MBTPS1: variants seen among roughly 807,000 people sequenced by gnomAD.
MBTPS1 encodes the protein membrane-bound transcription factor site-1 protease.
Under a neutral mutation model 127.8 loss-of-function variants are expected in MBTPS1, and 94 were observed. The observed-to-expected ratio is 0.74, with a 90% confidence interval of 0.62 to 0.87. The LOEUF is 0.87. MBTPS1 is among the 40% of genes least tolerant of loss of function. The probability of loss-of-function intolerance (pLI) is 0.00; values close to 1 mark genes in which losing one functional copy is unlikely to be tolerated. For missense variants in MBTPS1, 1,636 were observed against 1,353.2 expected (o/e 1.21, Z -3.28); for synonymous variants, 632 against 509.4 (o/e 1.24, Z -3.24).
rs191899167 is a variant in MBTPS1, at chr16:84,056,140, A to G, written c.2832-5T>C. The G allele has an allele frequency of 2.1e-4, 337 of 1,613,022 alleles. No homozygotes were observed. Among genetic ancestry groups the G allele is most frequent in the Admixed American group, 9.8e-4 (59 of 59,996 alleles). On this transcript the variant is annotated splice_region_variant and splice_polypyrimidine_tract_variant and intron_variant, in intron 21 of 22. Transcript: ENST00000343411. The stretch of plus-strand genomic sequence containing the variant: ...TTCTGATGTTTCCAAAGGTTACTTC[A>G]GGAAAATGGATTAAAACAAAACAAA...
chr16:84,108,777 C>T (rs1410022856), intron 1 of MBTPS1, among the ~76,000 whole-genome samples: 3 of 152,120 alleles, frequency 2.0e-5, no homozygotes, highest in Admixed American at 6.5e-5. Flanking sequence ...AGGCACCAGG[C>T]AGGCAGTGGG....
chr16:84,055,874 G>C (rs914586855), intron 22 of MBTPS1, 131 bp downstream of exon 22: 1 of 1,002,924 alleles, frequency 1.0e-6, no homozygotes, highest in Non-Finnish European at 1.5e-6. Flanking sequence ...GAAGCCAAGA[G>C]CCAAGGCCAC....
At chr16:84,067,153 T>G (rs1446077200) in intron 16 of MBTPS1, among the ~76,000 whole-genome samples, 1 of 152,160 alleles carries the variant, frequency 6.6e-6, no homozygotes, top group Non-Finnish European at 1.5e-5. Flanking sequence ...TTTGGTGCAT[T>G]TAAATTTATA....
intron 17 of MBTPS1, among the ~76,000 whole-genome samples, chr16:84,066,056 G>C (rs1168957275): frequency 1.3e-5 from 2 of 152,160 alleles, no homozygotes; most frequent in Non-Finnish European, 1.5e-5. Context: ...TCAGAGCAGT[G>C]AAAGGCTCAA....
Position 84,090,859 on chromosome 16 carries a change from T to A in MBTPS1, c.1031+16A>T, listed in dbSNP as rs542648182. The stretch of plus-strand genomic sequence containing the variant: ...GGGAAAAAATCCCCGAGGTCATCCC[T>A]GCTGGGGCTACTTACCCATAAAGAG... On this transcript the variant is annotated intron_variant, in intron 8 of 22. Coordinates refer to ENST00000343411, the MANE Select transcript of MBTPS1 (RefSeq NM_003791.4). 2 of 1,601,666 alleles carry A rather than the reference T, an allele frequency of 1.2e-6. No individual in the cohort carries two copies. Among genetic ancestry groups the A allele is most frequent in the African/African-American group, 2.7e-5 (2 of 74,636 alleles).
intron 1 of MBTPS1, among the ~76,000 whole-genome samples, chr16:84,112,786 C>T (rs978298093): frequency 2.0e-5 from 3 of 151,632 alleles, no homozygotes; most frequent in Non-Finnish European, 2.9e-5. Context: ...ACCAGCCTGG[C>T]CAACATGGTG....
intron 22 of MBTPS1, among the ~76,000 whole-genome samples, chr16:84,054,901 C>A (rs1402804411): frequency 1.3e-5 from 2 of 152,150 alleles, no homozygotes; most frequent in Non-Finnish European, 2.9e-5. Context: ...CCTGGGATCC[C>A]CGCAGACGGA....
chr16:84,110,711 G>A (rs1018078017), intron 1 of MBTPS1: 1 of 152,186 alleles, frequency 6.6e-6, no homozygotes, highest in Admixed American at 6.5e-5. Context: ...TAAGCAACTT[G>A]CCTGGGGCCA....
At chr16:84,095,926 T>G (rs1248288163) in intron 3 of MBTPS1, 121 bp from the exon 4 acceptor site, 2 of 713,916 alleles carry the variant, frequency 2.8e-6, no homozygotes, top group Non-Finnish European at 4.7e-6. Flanking sequence ...TGAAGGAAAG[T>G]GGGATTATCT....
chr16:84,089,139 G>T (rs79377557), intron 8 of MBTPS1, among the ~76,000 whole-genome samples: 1,568 of 152,360 alleles, frequency 0.01, 25 homozygotes, highest in African/African-American at 0.035. Flanking sequence ...GATGGGGTGC[G>T]GAAGACCTGA....
intron 2 of MBTPS1, 118 bp from the exon 3 acceptor site, chr16:84,099,428 C>G (rs1182620955): frequency 6.0e-6 from 6 of 995,470 alleles, no homozygotes; most frequent in South Asian, 3.4e-5. Flanking sequence ...CCACAGCAGA[C>G]GAGAGAAAAC....
At chr16:84,089,631 G>T (rs1208950174) in intron 8 of MBTPS1, among the ~76,000 whole-genome samples, 1 of 152,224 alleles carries the variant, frequency 6.6e-6, no homozygotes, top group Non-Finnish European at 1.5e-5. Context: ...TACTCTGCAG[G>T]CTGCTCTCTA....
intron 1 of MBTPS1, among the ~76,000 whole-genome samples, chr16:84,107,942 G>A (rs1187582590): frequency 6.8e-6 from 1 of 147,204 alleles, no homozygotes; most frequent in Non-Finnish European, 1.5e-5. Flanking sequence ...CCAGGCTCAA[G>A]ATATCCTCCT....
chr16:84,054,381 G>A lies in MBTPS1; in HGVS notation c.*68C>T. 7.1e-6 allele frequency: 10 copies of A among 1,412,428 alleles called. No individual in the cohort carries two copies. Among genetic ancestry groups the A allele is most frequent in the Non-Finnish European group, 9.5e-6 (10 of 1,055,360 alleles). The allele number at this position is 1,412,428 out of a possible 1,614,324, so 87.5% of individuals were successfully genotyped here. A position where few individuals can be genotyped will look rare whatever the true frequency, so the allele number is the denominator to read the frequency against. ...CCCTTTTAAACCAGCCGCCACCACA[G>A]CTCGGCTCACCCACCAGCGCCGTCC... On this transcript the variant is annotated 3_prime_UTR_variant, in exon 23 of 23. Transcript: ENST00000343411.
chr16:84,082,328 C>T (rs1033839675), intron 10 of MBTPS1, among the ~76,000 whole-genome samples: 7 of 152,144 alleles, frequency 4.6e-5, no homozygotes, highest in African/African-American at 1.4e-4. Flanking sequence ...GGCCACGACA[C>T]AGGACTAGCA....
chr16:84,074,701 T>G lies in MBTPS1; in HGVS notation c.1489A>C (p.Met497Leu), dbSNP rs758522985. The G allele has an allele frequency of 3.7e-6, 6 of 1,614,164 alleles. No homozygotes were observed. Among genetic ancestry groups the G allele is most frequent in the Admixed American group, 3.3e-5 (2 of 60,028 alleles). ...ATGGGCTGGGAGCAGTAGGGCCACA[T>G]GTAGGGACACTCAGTCAGATCTATG... ...SYIDLTECPYMWPYCSQPIYY... is the reference protein window; with the variant it reads ...SYIDLTECPYLWPYCSQPIYY... Residue 497 changes from methionine (M) to leucine (L), a missense_variant, in exon 12 of 23, where the codon ATG (methionine) becomes CTG (leucine). Physicochemically the swap from Met to Leu is conservative, Grantham distance 15. Coordinates refer to ENST00000343411, the MANE Select transcript of MBTPS1 (RefSeq NM_003791.4).
intron 1 of MBTPS1, among the ~76,000 whole-genome samples, chr16:84,105,827 G>A (rs56156292): frequency 1.3e-5 from 2 of 152,130 alleles, no homozygotes; most frequent in African/African-American, 4.8e-5. Flanking sequence ...AACTCATCTA[G>A]TGAGAAACTA....
chr16:84,105,660 C>T (rs987041408), intron 1 of MBTPS1, among the ~76,000 whole-genome samples: 2 of 152,074 alleles, frequency 1.3e-5, no homozygotes, highest in Non-Finnish European at 2.9e-5. Flanking sequence ...GTCCGTCTAG[C>T]GAGGCTGAAA....
chr16:84,093,867 T>C (rs1311985844), intron 4 of MBTPS1, 46 bp from the exon 5 acceptor site: 7 of 1,377,558 alleles, frequency 5.1e-6, no homozygotes, highest in Non-Finnish European at 7.2e-6. Context: ...GAAGAAATCA[T>C]CATTTTGGAT....
Sources: allele counts gnomAD v4.1 joint callset (sites outside exome capture counted in the v4.1 genomes callset), GRCh38; gene constraint gnomAD v4.1.1; transcripts MANE v1.5; gene names NCBI Gene and HGNC (gene_info 2026-07-23, HGNC 2026-07-21).